ACBD6: variants seen among roughly 807,000 people sequenced by gnomAD.
ACBD6 encodes the protein acyl-CoA-binding domain-containing protein 6.
A neutral mutation model predicts 37.2 loss-of-function variants in ACBD6; 28 were observed. The ratio of observed to expected loss-of-function variants is 0.75; its 90% CI spans 0.56 to 1.03. The LOEUF (loss-of-function observed/expected upper bound fraction) is 1.03. Ranked by LOEUF, ACBD6 falls within the 50% of genes least tolerant of loss-of-function variation. The probability of loss-of-function intolerance (pLI) is 0.00; values close to 1 mark genes in which losing one functional copy is unlikely to be tolerated. For synonymous variants in ACBD6, 113 were observed against 126.8 expected (o/e 0.89, Z 0.73); for missense variants, 340 against 337.4 (o/e 1.01, Z -0.06).
intron 5 of ACBD6, 136 bp downstream of exon 5, chr1:180,413,230 C>T (rs1305023800): frequency 7.1e-6 from 5 of 708,028 alleles, no homozygotes; most frequent in East Asian, 5.4e-5. Flanking sequence ...GTAACACCAT[C>T]TCATTTAGAT....
chr1:180,410,417 C>A (rs1243110209), intron 5 of ACBD6, among the ~76,000 whole-genome samples: 1 of 152,124 alleles, frequency 6.6e-6, no homozygotes, highest in East Asian at 1.9e-4. Context: ...GAAGTCAATA[C>A]CTGGCCTCAA....
At chr1:180,419,399 A>ATTCTT (rs1648254177) in intron 4 of ACBD6, among the ~76,000 whole-genome samples, 1 of 152,214 alleles carries the variant, frequency 6.6e-6, no homozygotes, top group African/African-American at 2.4e-5. Context: ...CTTACAATTA[A>ATTCTT]ATGATGGCAT....
intron 7 of ACBD6, among the ~76,000 whole-genome samples, chr1:180,311,605 G>C (rs1228548307): frequency 6.6e-6 from 1 of 152,084 alleles, no homozygotes; most frequent in Non-Finnish European, 1.5e-5. Context: ...CTTAGCAAAA[G>C]GTAGCTGGAG....
chr1:180,293,686 A>G (rs1649804704), intron 7 of ACBD6, among the ~76,000 whole-genome samples: 1 of 152,218 alleles, frequency 6.6e-6, no homozygotes. Flanking sequence ...GTTTCTAGCT[A>G]CAAATTCAAT....
intron 6 of ACBD6, among the ~76,000 whole-genome samples, chr1:180,366,426 G>A (rs1653059207): frequency 6.6e-6 from 1 of 152,164 alleles, no homozygotes; most frequent in Non-Finnish European, 1.5e-5. Flanking sequence ...AGTGCAAAAT[G>A]TCAACAATTT....
chr1:180,400,944 T>C (rs1309382345), intron 5 of ACBD6, among the ~76,000 whole-genome samples: 4 of 152,240 alleles, frequency 2.6e-5, no homozygotes, highest in Admixed American at 6.5e-5. Flanking sequence ...TCTAAATTTA[T>C]GAACTATTTT....
intron 6 of ACBD6, among the ~76,000 whole-genome samples, chr1:180,337,141 T>A (rs1243448781): frequency 1.2e-4 from 19 of 152,196 alleles, no homozygotes; most frequent in Non-Finnish European, 2.5e-4. Flanking sequence ...GAATCCTCCC[T>A]AACTCATTTT....
intron 6 of ACBD6, among the ~76,000 whole-genome samples, chr1:180,331,898 C>T (rs971361026): frequency 2.0e-5 from 3 of 152,150 alleles, no homozygotes; most frequent in East Asian, 1.9e-4. Context: ...ATATTGAATC[C>T]ACAAACAACT....
intron 6 of ACBD6, among the ~76,000 whole-genome samples, chr1:180,392,340 GAATTT>G (rs886278685): frequency 5.9e-5 from 9 of 151,836 alleles, no homozygotes; most frequent in Admixed American, 3.3e-4. Flanking sequence ...TTACCTCACT[GAATTT>G]ATTTTAGACT....
exon 14 of ACBD6, chr1:180,269,676 C>T (rs1315082085): frequency 1.3e-5 from 2 of 152,204 alleles, no homozygotes; most frequent in Non-Finnish European, 2.9e-5. Flanking sequence ...CATTATTTCA[C>T]ATTTTTTAAT....
intron 3 of ACBD6, among the ~76,000 whole-genome samples, chr1:180,469,189 T>C (rs1421568339): frequency 1.3e-5 from 2 of 152,322 alleles, no homozygotes; most frequent in African/African-American, 4.8e-5. Flanking sequence ...ATTACCCTGA[T>C]TGTTTTTTTA....
At chr1:180,341,749 A>G (rs1571384393) in intron 6 of ACBD6, among the ~76,000 whole-genome samples, 1 of 152,168 alleles carries the variant, frequency 6.6e-6, no homozygotes, top group East Asian at 1.9e-4. Context: ...TATAAAATAC[A>G]TTATTACTTT....
intron 4 of ACBD6, among the ~76,000 whole-genome samples, chr1:180,426,953 C>T (rs1012296776): frequency 6.6e-6 from 1 of 152,180 alleles, no homozygotes; most frequent in Non-Finnish European, 1.5e-5. Flanking sequence ...CCTACACCCC[C>T]TCAATTATAT....
At chr1:180,481,696 T>C (rs1329119250) in intron 3 of ACBD6, among the ~76,000 whole-genome samples, 1 of 151,372 alleles carries the variant, frequency 6.6e-6, no homozygotes, top group African/African-American at 2.4e-5. Flanking sequence ...GCATAAGTTA[T>C]GCCCTGGAAC....
In ACBD6 at chr1:180,453,347, C is replaced by T. The variant is rs182857886; in HGVS notation, c.385-23085G>A. ...ATTATCTCAATAGATGCAGAAAAGG[C>T]TTTCGATGCTAAAAACTCTCAATAA... On this transcript the variant is annotated intron_variant, in intron 3 of 7. Coordinates refer to ENST00000367595, the MANE Select transcript of ACBD6 (RefSeq NM_032360.4). Among the ~76,000 whole-genome samples the T allele has an allele frequency of 2.6e-5, 4 of 152,236 alleles. No individual in the cohort carries two copies. The East Asian group carries it at 7.7e-4, about 29-fold the overall frequency.
chr1:180,298,348 A>G (rs1461148038), intron 7 of ACBD6, among the ~76,000 whole-genome samples: 1 of 152,224 alleles, frequency 6.6e-6, no homozygotes, highest in African/African-American at 2.4e-5. Context: ...TCTATAATAC[A>G]CAATAATAAC....
intron 6 of ACBD6, among the ~76,000 whole-genome samples, chr1:180,367,856 G>A (rs192843378): frequency 3.3e-5 from 5 of 152,222 alleles, no homozygotes; most frequent in East Asian, 3.9e-4. Flanking sequence ...GAACATTCAC[G>A]TGCATGTGTC....
chr1:180,475,390 T>C (rs1650739739), intron 3 of ACBD6, among the ~76,000 whole-genome samples: 1 of 152,190 alleles, frequency 6.6e-6, no homozygotes, highest in Non-Finnish European at 1.5e-5. Context: ...GAATTTTATT[T>C]ATTTATTTAT....
At chr1:180,428,209 A>T (rs548723016) in intron 4 of ACBD6, among the ~76,000 whole-genome samples, 5 of 152,312 alleles carry the variant, frequency 3.3e-5, no homozygotes, top group African/African-American at 1.2e-4. Flanking sequence ...CTTCATGAAA[A>T]AAAGGCCAAG....
Sources: gnomAD v4.1 joint callset for allele counts (sites outside exome capture counted in the v4.1 genomes callset) on GRCh38, gnomAD v4.1.1 for gene constraint, MANE v1.5 for transcripts, NCBI Gene and HGNC (gene_info 2026-07-23, HGNC 2026-07-21) for gene names.